B4GALT6: variants seen among roughly 807,000 people sequenced by gnomAD.
The protein encoded by B4GALT6 is beta-1,4-galactosyltransferase 6.
Under a neutral mutation model 46.3 loss-of-function variants are expected in B4GALT6, and 14 were observed. The observed-to-expected ratio is 0.30, with a 90% CI of 0.20 to 0.47. The LOEUF is 0.47. Among genes scored for constraint, B4GALT6 ranks in the 20% least tolerant of loss-of-function variants. The probability of loss-of-function intolerance (pLI) is 0.99; values close to 1 mark genes in which losing one functional copy is unlikely to be tolerated. For missense variants in B4GALT6, 386 were observed against 480.1 expected (o/e 0.80, Z 1.83); for synonymous variants, 168 against 162.0 (o/e 1.04, Z -0.28).
chr18:31,684,628 G>C (rs2074521938), upstream of B4GALT6: 1 of 1,309,896 alleles, frequency 7.6e-7, no homozygotes, highest in South Asian at 1.7e-5. Context: ...AGAGAGTCGG[G>C]GGAGGGGAGG....
At chr18:31,713,334 A>T in the B4GALT6 span, among the ~76,000 whole-genome samples, 6 of 152,218 alleles carry the variant, frequency 3.9e-5, no homozygotes, top group Non-Finnish European at 1.5e-5. Flanking sequence ...CCCGGGCAAT[A>T]GCGTGAGATT....
intron 1 of B4GALT6, among the ~76,000 whole-genome samples, chr18:31,673,260 A>G (rs2074377382): frequency 6.6e-6 from 1 of 152,108 alleles, no homozygotes; most frequent in East Asian, 1.9e-4. Flanking sequence ...GGTCAAGCAG[A>G]TGGAGAGTTT....
chr18:31,697,702 AG>A, the B4GALT6 span, among the ~76,000 whole-genome samples: 8 of 152,326 alleles, frequency 5.3e-5, no homozygotes, highest in African/African-American at 1.9e-4. Flanking sequence ...CACATGGATG[AG>A]GGGGCTAGGA....
chr18:31,685,737 G>GA (rs1250334880), upstream of B4GALT6: 6 of 152,390 alleles, frequency 3.9e-5, no homozygotes, highest in Admixed American at 2.0e-4. Context: ...TACCTGAAAG[G>GA]AAAAGGGCAT....
intron 1 of B4GALT6, among the ~76,000 whole-genome samples, chr18:31,683,149 C>A (rs1011542321): frequency 6.6e-6 from 1 of 152,164 alleles, no homozygotes; most frequent in African/African-American, 2.4e-5. Flanking sequence ...AAGAAAAAGT[C>A]TCATAGTAAT....
intron 1 of B4GALT6, among the ~76,000 whole-genome samples, chr18:31,670,662 C>A (rs2074340838): frequency 1.3e-5 from 2 of 152,186 alleles, no homozygotes; most frequent in Non-Finnish European, 2.9e-5. Context: ...ACTAAACCAG[C>A]ATGAGAATGG....
chr18:31,642,984 C>T (rs2073948865), intron 4 of B4GALT6, among the ~76,000 whole-genome samples: 1 of 152,158 alleles, frequency 6.6e-6, no homozygotes, highest in African/African-American at 2.4e-5. Context: ...AAAAAGGGGC[C>T]TCAAATATTA....
At position 31,625,232 on chromosome 18, in the gene B4GALT6, C is replaced by T. The variant is rs910487465; in HGVS notation, c.*382G>A. On this transcript the variant is annotated 3_prime_UTR_variant, in exon 9 of 9. Transcript: ENST00000306851. ...GATTACATGCAAAACTGCAACACATCTAATTTTTAAACAATTTGCACACAT... is the reference window on the plus strand; with the variant it reads ...GATTACATGCAAAACTGCAACACATTTAATTTTTAAACAATTTGCACACAT... 1 of 162,516 alleles carries T rather than the reference C, an allele frequency of 6.2e-6. No homozygotes were observed. The highest frequency in any genetic ancestry group is 1.3e-5 in the Non-Finnish European group (1 of 75,078). 10.1% of individuals were successfully genotyped at this position (162,516 alleles called of 1,614,324 possible). A position where few individuals can be genotyped will look rare whatever the true frequency, so the allele number is the denominator to read the frequency against.
At chr18:31,655,204 G>A (rs905342104) in intron 3 of B4GALT6, among the ~76,000 whole-genome samples, 3 of 152,234 alleles carry the variant, frequency 2.0e-5, no homozygotes, top group Admixed American at 1.3e-4. Flanking sequence ...CTTGGCAGAA[G>A]CCTCGTTATG....
rs538002868 is a variant in B4GALT6, at chr18:31,667,499, G to A, written c.116-1127C>T. On this transcript the variant is annotated intron_variant, in intron 1 of 8. Coordinates refer to ENST00000306851, the MANE Select transcript of B4GALT6 (RefSeq NM_004775.5). ...CTCCAGTTTCTCAAGATGGAATAGAGGGATGAGAGAAATTTAATGTTTACT... is the reference window on the plus strand; with the variant it reads ...CTCCAGTTTCTCAAGATGGAATAGAAGGATGAGAGAAATTTAATGTTTACT... Among the ~76,000 whole-genome samples the A allele has an allele frequency of 3.3e-5, 5 of 152,316 alleles. No individual in the cohort carries two copies. The South Asian group carries it at 1.0e-3, about 32-fold the overall frequency.
chr18:31,651,382 T>C (rs1018610726), intron 3 of B4GALT6, among the ~76,000 whole-genome samples: 21 of 152,154 alleles, frequency 1.4e-4, no homozygotes, highest in African/African-American at 2.9e-4. Context: ...TTTTTTTGTA[T>C]TGTGACTCCA....
At chr18:31,645,522 C>T in intron 3 of B4GALT6, 43 bp from the exon 4 acceptor site, 1 of 1,583,886 alleles carries the variant, frequency 6.3e-7, no homozygotes, top group Non-Finnish European at 8.6e-7. Context: ...TATTTTTTGC[C>T]TCAAAGATCT....
upstream of B4GALT6, among the ~76,000 whole-genome samples, chr18:31,687,893 G>C (rs553055289): frequency 1.3e-5 from 2 of 152,124 alleles, no homozygotes; most frequent in Non-Finnish European, 2.9e-5. Flanking sequence ...AGTCTGTGCT[G>C]ACTGAGTGAG....
the B4GALT6 span, among the ~76,000 whole-genome samples, chr18:31,698,399 G>C: frequency 1.3e-5 from 2 of 152,130 alleles, no homozygotes; most frequent in African/African-American, 4.8e-5. Flanking sequence ...GGGAGGCCGA[G>C]CAGGCAGATC....
intron 1 of B4GALT6, among the ~76,000 whole-genome samples, chr18:31,683,824 G>A (rs144016824): frequency 1.3e-4 from 20 of 152,064 alleles, no homozygotes; most frequent in African/African-American, 4.8e-4. Flanking sequence ...GGGGTCCACT[G>A]ACCCCATTCT....
chr18:31,696,284 A>G, the B4GALT6 span, among the ~76,000 whole-genome samples: 2 of 152,222 alleles, frequency 1.3e-5, no homozygotes, highest in African/African-American at 2.4e-5. Context: ...AACATGATCC[A>G]TCATACGCGT....
chr18:31,720,395 G>T, the B4GALT6 span, among the ~76,000 whole-genome samples: 1 of 152,354 alleles, frequency 6.6e-6, no homozygotes, highest in African/African-American at 2.4e-5. Flanking sequence ...TGAGGCCTGG[G>T]CTGGAGAGAT....
chr18:31,724,139 T>C, the B4GALT6 span: 2 of 253,236 alleles, frequency 7.9e-6, no homozygotes, highest in South Asian at 8.7e-5. Context: ...CCGAGCCTAA[T>C]AAAGGCTGCG....
intron 1 of B4GALT6, among the ~76,000 whole-genome samples, chr18:31,677,177 GA>G (rs936131548): frequency 6.6e-6 from 1 of 151,684 alleles, no homozygotes; most frequent in African/African-American, 2.4e-5. Flanking sequence ...ACTTCTGGAG[GA>G]AAAAAAATAA....
Sources: allele counts gnomAD v4.1 joint callset (sites outside exome capture counted in the v4.1 genomes callset), GRCh38; gene constraint gnomAD v4.1.1; transcripts MANE v1.5; gene names NCBI Gene and HGNC (gene_info 2026-07-23, HGNC 2026-07-21).